The following PALS2 variants were observed in gnomAD, a reference collection of about 807,000 sequenced individuals.
The protein encoded by PALS2 is protein associated with LIN7 2, MAGUK p55 family member.
A neutral mutation model predicts 61.6 loss-of-function variants in PALS2; 27 were observed. The ratio of observed to expected loss-of-function variants is 0.44; its 90% confidence interval spans 0.32 to 0.60. The LOEUF is 0.60. Among genes scored for constraint, PALS2 ranks in the 20% least tolerant of loss-of-function variants. PALS2 has a pLI of 0.05. For synonymous variants in PALS2, 236 were observed against 218.6 expected, an observed-to-expected ratio of 1.08 and a Z score of -0.70; for missense variants, 554 against 639.4, an observed-to-expected ratio of 0.87 and a Z score of 1.44.
chr7:24,672,334 TCTC>T (rs1787340934), intron 9 of PALS2, among the ~76,000 whole-genome samples: 1 of 151,798 alleles, frequency 6.6e-6, no homozygotes, highest in South Asian at 2.1e-4. Context: ...TTCAAGCCAT[TCTC>T]CTGCCTCAGC....
chr7:24,644,209 A>G (rs149711758), intron 3 of PALS2, among the ~76,000 whole-genome samples: 3 of 151,294 alleles, frequency 2.0e-5, no homozygotes, highest in African/African-American at 7.3e-5. Context: ...CCACACGGAT[A>G]TTAAGCCCAG....
chr7:24,681,210 T>C (rs1247759995), intron 11 of PALS2, among the ~76,000 whole-genome samples: 1 of 147,336 alleles, frequency 6.8e-6, no homozygotes, highest in Non-Finnish European at 1.5e-5. Flanking sequence ...TACATGTTTT[T>C]TCCTTTTTTT....
chr7:24,646,512 A>G (rs1785841093), intron 3 of PALS2, among the ~76,000 whole-genome samples: 1 of 152,190 alleles, frequency 6.6e-6, no homozygotes. Context: ...CTACTTGATC[A>G]TGGTGGATTA....
chr7:24,600,159 A>G (rs983521084), intron 1 of PALS2, among the ~76,000 whole-genome samples: 1 of 152,146 alleles, frequency 6.6e-6, no homozygotes, highest in African/African-American at 2.4e-5. Context: ...CTCTCTAGTA[A>G]TGAAAACCTT....
chr7:24,581,766 T>C (rs1326162373), intron 1 of PALS2, among the ~76,000 whole-genome samples: 1 of 152,212 alleles, frequency 6.6e-6, no homozygotes, highest in African/African-American at 2.4e-5. Flanking sequence ...AAGGCAACTA[T>C]TGCCAATAGC....
chr7:24,595,518 TATATATAATATATA>T (rs1198297630), intron 1 of PALS2, among the ~76,000 whole-genome samples: 1 of 91,084 alleles, frequency 1.1e-5, no homozygotes, highest in Non-Finnish European at 2.0e-5. Flanking sequence ...TAATATATAA[TATATATAATATATA>T]ATATATAATA....
At chr7:24,680,784 C>T (rs937863630) in intron 11 of PALS2, among the ~76,000 whole-genome samples, 10 of 152,098 alleles carry the variant, frequency 6.6e-5, no homozygotes, top group South Asian at 4.2e-4. Flanking sequence ...TTAGTAGAGA[C>T]GGGGTTTCAC....
intron 1 of PALS2, among the ~76,000 whole-genome samples, chr7:24,588,805 A>G (rs1159888219): frequency 6.6e-6 from 1 of 152,236 alleles, no homozygotes; most frequent in Non-Finnish European, 1.5e-5. Flanking sequence ...TGTTTTGGTT[A>G]AGCAGAGCAA....
intron 1 of PALS2, among the ~76,000 whole-genome samples, chr7:24,591,791 A>T (rs1783297403): frequency 6.6e-6 from 1 of 152,058 alleles, no homozygotes; most frequent in South Asian, 2.1e-4. Context: ...ATACTTTATT[A>T]TATATTATTG....
At chr7:24,649,365 G>A (rs890087991) in intron 3 of PALS2, among the ~76,000 whole-genome samples, 35 of 151,914 alleles carry the variant, frequency 2.3e-4, no homozygotes, top group African/African-American at 7.7e-4. Flanking sequence ...TTTTTAAAAA[G>A]CATCACTAAT....
intron 11 of PALS2, among the ~76,000 whole-genome samples, chr7:24,685,883 A>G (rs1788174574): frequency 1.3e-5 from 2 of 152,088 alleles, no homozygotes; most frequent in South Asian, 4.1e-4. Context: ...GCTTCCATCA[A>G]CATCATTTAC....
At chr7:24,679,054 G>A (rs1787776037) in intron 9 of PALS2, 77 bp from the exon 10 acceptor site, 1 of 1,333,460 alleles carries the variant, frequency 7.5e-7, no homozygotes, top group Non-Finnish European at 1.1e-6. Flanking sequence ...AAAACGTTAA[G>A]CCACCCTATG....
At chr7:24,683,676 T>G (rs1157161933) in intron 11 of PALS2, among the ~76,000 whole-genome samples, 1 of 152,198 alleles carries the variant, frequency 6.6e-6, no homozygotes, top group Non-Finnish European at 1.5e-5. Context: ...AAATGGTGTT[T>G]TAAGACCATA....
At chr7:24,664,401 A>G (rs1317928425) in intron 6 of PALS2, among the ~76,000 whole-genome samples, 1 of 152,134 alleles carries the variant, frequency 6.6e-6, no homozygotes, top group Non-Finnish European at 1.5e-5. Context: ...TATGTTAGCT[A>G]ACAACCACAA....
intron 1 of PALS2, among the ~76,000 whole-genome samples, chr7:24,591,846 C>A (rs1438519590): frequency 6.6e-6 from 1 of 151,940 alleles, no homozygotes; most frequent in Non-Finnish European, 1.5e-5. Context: ...ATATCTTATG[C>A]CTGAACAAAG....
intron 1 of PALS2, among the ~76,000 whole-genome samples, chr7:24,574,975 C>G (rs1782592141): frequency 6.6e-6 from 1 of 152,088 alleles, no homozygotes; most frequent in African/African-American, 2.4e-5. Flanking sequence ...CTTCTGAGGC[C>G]TTGTTAACAG....
intron 1 of PALS2, among the ~76,000 whole-genome samples, chr7:24,593,925 C>A (rs1263979801): frequency 6.6e-6 from 1 of 152,098 alleles, no homozygotes; most frequent in East Asian, 1.9e-4. Context: ...ACTGTCCTTT[C>A]AAGGTTTGAG....
intron 1 of PALS2, among the ~76,000 whole-genome samples, chr7:24,591,712 G>A (rs983215076): frequency 6.6e-6 from 1 of 152,098 alleles, no homozygotes; most frequent in African/African-American, 2.4e-5. Flanking sequence ...GTTCCTGCAA[G>A]CCTTTAGTCA....
intron 1 of PALS2, among the ~76,000 whole-genome samples, chr7:24,593,220 A>G (rs1783367710): frequency 6.6e-6 from 1 of 152,076 alleles, no homozygotes; most frequent in Admixed American, 6.6e-5. Context: ...CTTCTGTTAA[A>G]GTTTTATCAT....
Sources: allele counts gnomAD v4.1 joint callset (sites outside exome capture counted in the v4.1 genomes callset), GRCh38; gene constraint gnomAD v4.1.1; transcripts MANE v1.5; gene names NCBI Gene and HGNC (gene_info 2026-07-23, HGNC 2026-07-21).